Variants in SPON1 observed in about 807,000 individuals in gnomAD.
The protein encoded by SPON1 is spondin-1.
In SPON1, 52 loss-of-function variants were observed where a neutral mutation model predicts 111.7. The ratio of observed to expected loss-of-function variants is 0.47; its 90% confidence interval spans 0.37 to 0.59. SPON1 has a LOEUF of 0.59. Among genes scored for constraint, SPON1 ranks in the 20% least tolerant of loss-of-function variants. The pLI is 0.00. For synonymous variants in SPON1, 410 were observed against 395.8 expected (o/e 1.04, Z -0.43); for missense variants, 957 against 1,068.5 (o/e 0.90, Z 1.46).
chr11:14,064,014 T>G (rs1848811988), intron 3 of SPON1, among the ~76,000 whole-genome samples: 2 of 152,154 alleles, frequency 1.3e-5, no homozygotes, highest in Non-Finnish European at 2.9e-5. Flanking sequence ...TGCCAGATTG[T>G]GGACATATGG....
chr11:14,091,057 CAG>C (rs1471220132), intron 5 of SPON1, among the ~76,000 whole-genome samples: 1 of 151,978 alleles, frequency 6.6e-6, no homozygotes, highest in East Asian at 1.9e-4. Context: ...GAGCTAAACA[CAG>C]GGTGCTGATT....
At chr11:14,241,273 CAAAG>C (rs1392849776) in intron 6 of SPON1, among the ~76,000 whole-genome samples, 8 of 151,742 alleles carry the variant, frequency 5.3e-5, no homozygotes, top group Admixed American at 3.9e-4. Flanking sequence ...AATTAAAAAT[CAAAG>C]AAAAAAAAGT....
chr11:14,161,201 T>TTTTATATATATCTATATATC (rs1564920113), intron 6 of SPON1, among the ~76,000 whole-genome samples: 10 of 28,658 alleles, frequency 3.5e-4, no homozygotes, highest in African/African-American at 9.4e-4. Context: ...CTATATATAT[T>TTTTATATATATCTATATATC]TATATATTTA....
At chr11:14,027,934 CAATT>C (rs1438788289) in intron 2 of SPON1, among the ~76,000 whole-genome samples, 1 of 152,126 alleles carries the variant, frequency 6.6e-6, no homozygotes, top group Non-Finnish European at 1.5e-5. Context: ...TAAAATCCCC[CAATT>C]ACATGGTTCT....
intron 2 of SPON1, among the ~76,000 whole-genome samples, chr11:14,036,874 GAGA>G (rs1476782244): frequency 2.0e-5 from 3 of 152,158 alleles, no homozygotes; most frequent in Non-Finnish European, 4.4e-5. Flanking sequence ...AGAGTCAGTT[GAGA>G]AGAAGGATGA....
At chr11:13,971,863 G>A (rs1848065639) in intron 1 of SPON1, among the ~76,000 whole-genome samples, 1 of 152,178 alleles carries the variant, frequency 6.6e-6, no homozygotes, top group Non-Finnish European at 1.5e-5. Flanking sequence ...AGAACCATGA[G>A]TTTTCCTTAG....
chr11:14,141,845 T>C (rs1847660265), intron 6 of SPON1, among the ~76,000 whole-genome samples: 1 of 152,206 alleles, frequency 6.6e-6, no homozygotes, highest in African/African-American at 2.4e-5. Context: ...TTCTCTATGA[T>C]TCATGACATG....
At chr11:14,139,385 TC>T (rs1847625337) in intron 6 of SPON1, among the ~76,000 whole-genome samples, 1 of 152,190 alleles carries the variant, frequency 6.6e-6, no homozygotes, top group Non-Finnish European at 1.5e-5. Context: ...CAGCACTTTG[TC>T]CTTCTCCTAT....
chr11:13,979,133 G>A (rs1413931710), intron 1 of SPON1, among the ~76,000 whole-genome samples: 1 of 152,162 alleles, frequency 6.6e-6, no homozygotes, highest in Non-Finnish European at 1.5e-5. Context: ...TTTTCTTCTG[G>A]AGGGCTCTGA....
intron 3 of SPON1, among the ~76,000 whole-genome samples, chr11:14,051,548 A>G (rs2697818): frequency 0.043 from 6,453 of 151,760 alleles, 473 homozygotes; most frequent in African/African-American, 0.15. Context: ...AAAAAAAAAA[A>G]AGAGAGACAG....
intron 6 of SPON1, among the ~76,000 whole-genome samples, chr11:14,205,075 CTA>C (rs782386410): frequency 2.6e-5 from 4 of 152,214 alleles, no homozygotes; most frequent in Non-Finnish European, 5.9e-5. Flanking sequence ...TTCCTTCTCT[CTA>C]TATCAAAGTT....
rs1554909874 is a variant in SPON1, at chr11:13,982,924, A to G, written c.316A>G (p.Lys106Glu). The change falls in exon 2 of 16, where the codon AAG (lysine) becomes GAG (glutamate). Residue 106 changes from lysine to glutamate, a missense_variant. Physicochemically the swap from Lys to Glu is moderately conservative, Grantham distance 56. Around this residue, in one of 5 missense-constraint regions of SPON1, gnomAD observed 262 missense variants for 253.9 expected, o/e 1.03. Coordinates refer to ENST00000576479, the MANE Select transcript of SPON1 (RefSeq NM_006108.4). ...CCTCAGAGAGAACAGAGAGGGTGAT[A>G]AGGAAGAAGACCATGCTGGGACCTT... is the stretch of plus-strand genomic sequence containing the variant. ...IALRENREGD[K>E]EEDHAGTFQI... 7 of 1,556,928 alleles carry G rather than the reference A, an allele frequency of 4.5e-6. No individual in the cohort carries two copies. The highest frequency in any genetic ancestry group is 5.2e-6 in the Non-Finnish European group (6 of 1,149,382).
At chr11:14,030,590 T>C (rs1554915924) in intron 2 of SPON1, among the ~76,000 whole-genome samples, 23 of 152,114 alleles carry the variant, frequency 1.5e-4, no homozygotes. Context: ...AAGAATCCGT[T>C]TGAAGAGATG....
intron 2 of SPON1, among the ~76,000 whole-genome samples, chr11:14,003,602 T>A (rs1206328625): frequency 2.0e-5 from 3 of 152,294 alleles, no homozygotes; most frequent in African/African-American, 7.2e-5. Flanking sequence ...TGTGATTTTC[T>A]ATCAAGACAC....
At chr11:14,000,167 A>G (rs574647132) in intron 2 of SPON1, among the ~76,000 whole-genome samples, 7 of 152,268 alleles carry the variant, frequency 4.6e-5, no homozygotes, top group Admixed American at 2.6e-4. Flanking sequence ...CAGAGTGAAC[A>G]GGTCTGTCTC....
At chr11:14,245,188 T>G (rs890100546) in intron 7 of SPON1, among the ~76,000 whole-genome samples, 5 of 152,082 alleles carry the variant, frequency 3.3e-5, no homozygotes, top group East Asian at 1.9e-4. Flanking sequence ...CGCCCCAGGA[T>G]AGGGCAGTGG....
intron 2 of SPON1, among the ~76,000 whole-genome samples, chr11:13,988,044 T>A (rs1848199139): frequency 6.6e-6 from 1 of 152,186 alleles, no homozygotes; most frequent in South Asian, 2.1e-4. Flanking sequence ...GGGCTCTTTT[T>A]TGGCTCCATA....
chr11:14,021,184 T>C (rs1213724343), intron 2 of SPON1, among the ~76,000 whole-genome samples: 2 of 152,184 alleles, frequency 1.3e-5, no homozygotes, highest in African/African-American at 2.4e-5. Context: ...CTTATTCACC[T>C]GGCCAATTAT....
At chr11:14,082,727 A>G (rs902586386) in intron 5 of SPON1, among the ~76,000 whole-genome samples, 1 of 152,250 alleles carries the variant, frequency 6.6e-6, no homozygotes, top group Non-Finnish European at 1.5e-5. Context: ...TGAAAATTTA[A>G]TGTTCTCAAA....
Sources: allele counts gnomAD v4.1 joint callset (sites outside exome capture counted in the v4.1 genomes callset), GRCh38; gene constraint gnomAD v4.1.1; regional missense constraint gnomAD v4.1.1; transcripts MANE v1.5; gene names NCBI Gene and HGNC (gene_info 2026-07-23, HGNC 2026-07-21).